The following CSMD1 variants were observed in gnomAD, a reference collection of about 807,000 sequenced individuals.
The protein encoded by CSMD1 is CUB and sushi domain-containing protein 1.
CSMD1 carries 213 observed loss-of-function variants against 417.5 expected under a neutral mutation model. The ratio of observed to expected loss-of-function variants is 0.51; its 90% confidence interval spans 0.46 to 0.57. CSMD1 has a LOEUF of 0.57. Among genes scored for constraint, CSMD1 ranks in the 20% least tolerant of loss-of-function variants. The probability of loss-of-function intolerance (pLI) is 0.00; values close to 1 mark genes in which losing one functional copy is unlikely to be tolerated. For synonymous variants in CSMD1, 2,862 were observed against 1,736.8 expected (o/e 1.65, Z -16.11); for missense variants, 6,923 against 4,529.7 (o/e 1.53, Z -15.17).
intron 47 of CSMD1, among the ~76,000 whole-genome samples, chr8:3,096,222 T>A (rs1815285613): frequency 6.6e-6 from 1 of 152,220 alleles, no homozygotes; most frequent in African/African-American, 2.4e-5. Flanking sequence ...GCATTCTAAC[T>A]GTTTGAAAAG....
chr8:4,319,173 A>C (rs1799114903), intron 3 of CSMD1, among the ~76,000 whole-genome samples: 1 of 152,190 alleles, frequency 6.6e-6, no homozygotes, highest in South Asian at 2.1e-4. Flanking sequence ...TTAAACTGTT[A>C]GTCAATTTCC....
chr8:4,697,124 A>G (rs1470166501), intron 1 of CSMD1, among the ~76,000 whole-genome samples: 2 of 152,174 alleles, frequency 1.3e-5, no homozygotes, highest in Admixed American at 1.3e-4. Context: ...GTGAGCCGAG[A>G]TCGCGCCACT....
chr8:3,772,257 A>G (rs1798619802), intron 5 of CSMD1, among the ~76,000 whole-genome samples: 1 of 146,156 alleles, frequency 6.8e-6, no homozygotes, highest in Admixed American at 6.9e-5. Context: ...ATATACATAT[A>G]TTTAGACATA....
chr8:3,862,874 A>G (rs1804813209), intron 5 of CSMD1, among the ~76,000 whole-genome samples: 2 of 152,140 alleles, frequency 1.3e-5, no homozygotes, highest in African/African-American at 2.4e-5. Flanking sequence ...TTATGCTATT[A>G]TTACTGTGTC....
Position 3,168,078 on chromosome 8 carries a change from A to G in CSMD1, c.5726-5801T>C, listed in dbSNP as rs186300368. 3.8e-3 allele frequency among the ~76,000 whole-genome samples: 573 copies of G among 152,226 alleles called. 7 individuals carry two copies. The highest frequency in any genetic ancestry group is 0.013 in the African/African-American group (525 of 41,532). ...AGAAAAAAAAAAAAAAGATATTTCAAACTAGAGAGCTCAAAACAAAAAAGT... is the reference window on the plus strand; with the variant it reads ...AGAAAAAAAAAAAAAAGATATTTCAGACTAGAGAGCTCAAAACAAAAAAGT... On this transcript the variant is annotated intron_variant, in intron 37 of 69. Coordinates refer to ENST00000635120, the MANE Select transcript of CSMD1 (RefSeq NM_033225.6).
intron 1 of CSMD1, among the ~76,000 whole-genome samples, chr8:4,929,387 G>T (rs1219348329): frequency 2.6e-5 from 4 of 152,142 alleles, no homozygotes; most frequent in African/African-American, 7.2e-5. Context: ...ATTATTAAAG[G>T]ACTCCTCCTA....
chr8:3,725,719 G>C (rs1490626231), intron 6 of CSMD1, among the ~76,000 whole-genome samples: 2 of 152,108 alleles, frequency 1.3e-5, no homozygotes, highest in East Asian at 1.9e-4. Context: ...AGTAGGCAGA[G>C]GGCCACATAC....
intron 2 of CSMD1, among the ~76,000 whole-genome samples, chr8:4,422,584 C>G (rs966497073): frequency 6.6e-6 from 1 of 152,064 alleles, no homozygotes; most frequent in Admixed American, 6.6e-5. Flanking sequence ...CAGGAACTGA[C>G]TATTCTGGAC....
chr8:4,033,284 C>G (rs891322221), intron 3 of CSMD1, among the ~76,000 whole-genome samples: 1 of 151,228 alleles, frequency 6.6e-6, no homozygotes, highest in Non-Finnish European at 1.5e-5. Context: ...ACTAAAAATA[C>G]AAAAAAAATT....
At chr8:4,082,685 A>G (rs530729596) in intron 3 of CSMD1, among the ~76,000 whole-genome samples, 1 of 151,906 alleles carries the variant, frequency 6.6e-6, no homozygotes, top group East Asian at 1.9e-4. Flanking sequence ...ACATATGCAT[A>G]CATGTGCCAT....
chr8:3,925,628 A>C (rs867123835), intron 5 of CSMD1, among the ~76,000 whole-genome samples: 1 of 152,014 alleles, frequency 6.6e-6, no homozygotes, highest in South Asian at 2.1e-4. Context: ...AATAAGTCTC[A>C]TGAGATCTGA....
At chr8:3,604,257 T>C (rs1174688056) in intron 8 of CSMD1, among the ~76,000 whole-genome samples, 1 of 151,960 alleles carries the variant, frequency 6.6e-6, no homozygotes, top group African/African-American at 2.4e-5. Context: ...AATTTCTGGC[T>C]GGTCAGTGCT....
At chr8:3,131,990 T>C (rs149320639) in intron 41 of CSMD1, among the ~76,000 whole-genome samples, 202 of 152,288 alleles carry the variant, frequency 1.3e-3, no homozygotes, top group African/African-American at 4.6e-3. Flanking sequence ...CACAATCCAA[T>C]ACCATCACTC....
At chr8:3,597,377 G>A (rs1350821151) in intron 8 of CSMD1, among the ~76,000 whole-genome samples, 1 of 73,006 alleles carries the variant, frequency 1.4e-5, no homozygotes, top group Non-Finnish European at 2.3e-5. Flanking sequence ...GAATTAAACT[G>A]CCCCTAAAGC....
intron 3 of CSMD1, among the ~76,000 whole-genome samples, chr8:4,234,654 T>C (rs939306322): frequency 6.6e-6 from 1 of 152,168 alleles, no homozygotes; most frequent in South Asian, 2.1e-4. Flanking sequence ...ACCTGACGAA[T>C]AGATGGCAGG....
chr8:3,825,583 G>GA (rs1280626652), intron 5 of CSMD1, among the ~76,000 whole-genome samples: 2 of 119,850 alleles, frequency 1.7e-5, no homozygotes, highest in East Asian at 3.3e-4. Flanking sequence ...TTACCTAGAA[G>GA]AGTGGGGGAA....
At chr8:3,421,967 C>T (rs1207991251) in intron 12 of CSMD1, among the ~76,000 whole-genome samples, 3 of 146,732 alleles carry the variant, frequency 2.0e-5, no homozygotes, top group African/African-American at 5.4e-5. Flanking sequence ...TTAGCCACCA[C>T]AACCGGCCCC....
chr8:3,798,874 A>G (rs949820315), intron 5 of CSMD1, among the ~76,000 whole-genome samples: 3 of 151,752 alleles, frequency 2.0e-5, no homozygotes, highest in Non-Finnish European at 1.5e-5. Flanking sequence ...CTTTGTTCAT[A>G]CAGACATAGT....
chr8:3,535,793 C>T (rs527758824), intron 10 of CSMD1, among the ~76,000 whole-genome samples: 1 of 152,170 alleles, frequency 6.6e-6, no homozygotes, highest in East Asian at 1.9e-4. Context: ...TTGAAAATTC[C>T]CAAGGGCTGG....
Sources: allele counts gnomAD v4.1 joint callset (sites outside exome capture counted in the v4.1 genomes callset), GRCh38; gene constraint gnomAD v4.1.1; transcripts MANE v1.5; gene names NCBI Gene and HGNC (gene_info 2026-07-23, HGNC 2026-07-21).